Variants in MDGA2 observed in about 807,000 individuals in gnomAD.
MDGA2 encodes the protein MAM domain containing glycosylphosphatidylinositol anchor 2, also known as MAM domain-containing glycosylphosphatidylinositol anchor protein 2.
A neutral mutation model predicts 117.8 loss-of-function variants in MDGA2; 40 were observed. That is an observed-to-expected ratio of 0.34 (90% CI 0.26 to 0.44). The LOEUF (loss-of-function observed/expected upper bound fraction) is 0.44. MDGA2 is among the 20% of genes least tolerant of loss of function. The pLI, the probability that MDGA2 is intolerant of heterozygous loss-of-function variation, is 1.00. For synonymous variants in MDGA2, 452 were observed against 439.0 expected, an observed-to-expected ratio of 1.03 and a Z score of -0.37; for missense variants, 1,123 against 1,250.6, an observed-to-expected ratio of 0.90 and a Z score of 1.54.
intron 1 of MDGA2, among the ~76,000 whole-genome samples, chr14:47,549,062 T>C (rs1431055390): frequency 6.6e-6 from 1 of 152,136 alleles, no homozygotes; most frequent in East Asian, 1.9e-4. Flanking sequence ...GGTCAAATAG[T>C]GACAAATCAG....
chr14:47,445,160 C>G (rs922193251), intron 1 of MDGA2, among the ~76,000 whole-genome samples: 1 of 152,026 alleles, frequency 6.6e-6, no homozygotes, highest in African/African-American at 2.4e-5. Context: ...GTTGTCGCCT[C>G]AAGTCTCCTG....
intron 1 of MDGA2, among the ~76,000 whole-genome samples, chr14:47,508,820 C>T (rs1321223349): frequency 3.9e-5 from 6 of 152,084 alleles, no homozygotes; most frequent in African/African-American, 1.5e-4. Context: ...GCTGGGACTA[C>T]AGGCACCCAC....
chr14:46,960,141 A>G (rs1885737130), intron 8 of MDGA2, among the ~76,000 whole-genome samples: 1 of 152,068 alleles, frequency 6.6e-6, no homozygotes, highest in African/African-American at 2.4e-5. Context: ...GAATCGCTTG[A>G]ACCCAGGAGG....
At chr14:47,428,320 A>T (rs967838831) in intron 1 of MDGA2, among the ~76,000 whole-genome samples, 1 of 152,132 alleles carries the variant, frequency 6.6e-6, no homozygotes, top group Non-Finnish European at 1.5e-5. Context: ...TTTTACTGCA[A>T]TTGTTGCTGT....
chr14:47,339,604 G>C (rs1227452069), intron 1 of MDGA2, among the ~76,000 whole-genome samples: 1 of 152,082 alleles, frequency 6.6e-6, no homozygotes, highest in Non-Finnish European at 1.5e-5. Context: ...ACTTGCTCAT[G>C]CTTCCTCTCT....
intron 2 of MDGA2, among the ~76,000 whole-genome samples, chr14:47,288,633 A>G (rs1267101279): frequency 6.6e-6 from 1 of 152,170 alleles, no homozygotes; most frequent in Non-Finnish European, 1.5e-5. Flanking sequence ...AAGAAGCAGA[A>G]AAAGGAAGAA....
chr14:47,572,447 A>C (rs559377602), intron 1 of MDGA2, among the ~76,000 whole-genome samples: 1 of 152,318 alleles, frequency 6.6e-6, no homozygotes, highest in African/African-American at 2.4e-5. Context: ...GATTAAGGCT[A>C]TTAAACTTTG....
At chr14:46,980,995 A>C (rs1886648006) in intron 8 of MDGA2, among the ~76,000 whole-genome samples, 1 of 152,124 alleles carries the variant, frequency 6.6e-6, no homozygotes, top group Admixed American at 6.6e-5. Context: ...TCAAATTCTG[A>C]CTTTTGACCA....
At chr14:47,083,791 T>A (rs1890793706) in intron 6 of MDGA2, among the ~76,000 whole-genome samples, 1 of 152,052 alleles carries the variant, frequency 6.6e-6, no homozygotes, top group African/African-American at 2.4e-5. Context: ...CTAGATAATG[T>A]AGACTTTAGG....
intron 1 of MDGA2, among the ~76,000 whole-genome samples, chr14:47,335,929 G>A (rs1890443165): frequency 6.6e-6 from 1 of 151,192 alleles, no homozygotes; most frequent in Non-Finnish European, 1.5e-5. Context: ...GTGGGTTCTA[G>A]TGAAGACAGA....
At chr14:47,450,472 A>G (rs539303031) in intron 1 of MDGA2, among the ~76,000 whole-genome samples, 5 of 152,226 alleles carry the variant, frequency 3.3e-5, no homozygotes, top group African/African-American at 1.2e-4. Context: ...CTATATTGAC[A>G]ATGACATCAT....
At chr14:47,561,158 G>GTTTTTTTTTTTTTTTTTTTTT (rs200625450) in intron 1 of MDGA2, among the ~76,000 whole-genome samples, 2 of 55,072 alleles carry the variant, frequency 3.6e-5, no homozygotes, top group Non-Finnish European at 4.3e-5. Flanking sequence ...TTTTTGTTTT[G>GTTTTTTTTTTTTTTTTTTTTT]TTTTGTTTTT....
At chr14:46,996,224 A>G (rs1887285586) in intron 8 of MDGA2, among the ~76,000 whole-genome samples, 1 of 152,168 alleles carries the variant, frequency 6.6e-6, no homozygotes, top group Non-Finnish European at 1.5e-5. Context: ...AAATTCTTAC[A>G]TACTTGAATT....
At position 47,093,052 on chromosome 14, in the gene MDGA2, T is replaced by C. The variant is rs188190356; in HGVS notation, c.1195+3802A>G. ...CTTCATAGCTCACTCTGAGCTACGG[T>C]GGTCAGAACCTATCTATCAGGCTGG... On this transcript the variant is annotated intron_variant, in intron 6 of 16. Coordinates refer to ENST00000399232, the MANE Select transcript of MDGA2 (RefSeq NM_001113498.3). Among the ~76,000 whole-genome samples, 697 of 152,046 alleles carry C rather than the reference T, an allele frequency of 4.6e-3. 3 individuals carry two copies. The highest frequency in any genetic ancestry group is 0.016 in the African/African-American group (662 of 41,492).
At chr14:47,278,967 A>G (rs1342720291) in intron 2 of MDGA2, among the ~76,000 whole-genome samples, 1 of 152,150 alleles carries the variant, frequency 6.6e-6, no homozygotes, top group African/African-American at 2.4e-5. Flanking sequence ...ATTTTTAAAA[A>G]CTGCATAGTA....
intron 1 of MDGA2, among the ~76,000 whole-genome samples, chr14:47,454,186 C>T (rs1213928074): frequency 1.3e-5 from 2 of 152,136 alleles, no homozygotes; most frequent in Admixed American, 6.6e-5. Context: ...TTGATTGACA[C>T]TTCATCTCAT....
chr14:47,404,668 AT>A (rs1224462838), intron 1 of MDGA2, among the ~76,000 whole-genome samples: 1 of 151,780 alleles, frequency 6.6e-6, no homozygotes, highest in Non-Finnish European at 1.5e-5. Flanking sequence ...CTAAGTTTTT[AT>A]TTTTTGTGGA....
chr14:47,536,538 T>A (rs1895214645), intron 1 of MDGA2, among the ~76,000 whole-genome samples: 1 of 152,224 alleles, frequency 6.6e-6, no homozygotes, highest in African/African-American at 2.4e-5. Context: ...GACTTGTTAA[T>A]CACACCAATC....
chr14:46,960,349 G>A (rs528197031), intron 8 of MDGA2: 1 of 152,032 alleles, frequency 6.6e-6, no homozygotes, highest in Non-Finnish European at 1.5e-5. Flanking sequence ...CATCTGTGAT[G>A]ACTTTCCTTG....
Sources: gnomAD v4.1 joint callset for allele counts (sites outside exome capture counted in the v4.1 genomes callset) on GRCh38, gnomAD v4.1.1 for gene constraint, MANE v1.5 for transcripts, NCBI Gene and HGNC (gene_info 2026-07-23, HGNC 2026-07-21) for gene names.